Variants in STK3 observed in about 807,000 individuals in gnomAD.
STK3 encodes the protein serine/threonine-protein kinase 3.
A neutral mutation model predicts 58.0 loss-of-function variants in STK3; 41 were observed. The observed-to-expected ratio is 0.71, with a 90% confidence interval of 0.55 to 0.92. The LOEUF (loss-of-function observed/expected upper bound fraction) is 0.92, where lower values mean the gene tolerates loss of function less well. Among genes scored for constraint, STK3 ranks in the 40% least tolerant of loss-of-function variants. STK3 has a pLI of 0.00. For missense variants in STK3, 479 were observed against 602.7 expected (o/e 0.79, Z 2.15); for synonymous variants, 170 against 191.0 (o/e 0.89, Z 0.91).
chr8:98,680,832 A>C (rs1336338988), intron 6 of STK3, among the ~76,000 whole-genome samples: 2 of 152,222 alleles, frequency 1.3e-5, no homozygotes, highest in Admixed American at 1.3e-4. Context: ...TCCAAATAAA[A>C]AATTATAAAT....
intron 4 of STK3, among the ~76,000 whole-genome samples, chr8:98,716,327 C>T (rs1016309500): frequency 1.3e-5 from 2 of 151,660 alleles, no homozygotes; most frequent in Non-Finnish European, 2.9e-5. Context: ...TAGCAGTATA[C>T]AAAATCAACC....
At chr8:98,753,050 G>T (rs1436981750) in intron 3 of STK3, among the ~76,000 whole-genome samples, 2 of 152,086 alleles carry the variant, frequency 1.3e-5, no homozygotes, top group Non-Finnish European at 2.9e-5. Flanking sequence ...AGATAGTGTG[G>T]CAATTCCTCA....
chr8:98,653,201 T>G (rs1248267918), intron 6 of STK3, among the ~76,000 whole-genome samples: 4 of 152,046 alleles, frequency 2.6e-5, no homozygotes, highest in East Asian at 3.8e-4. Flanking sequence ...CTCAACTACA[T>G]GGAAACTGAA....
chr8:98,731,827 G>A (rs1264467256), intron 4 of STK3, among the ~76,000 whole-genome samples: 2 of 152,134 alleles, frequency 1.3e-5, no homozygotes, highest in Admixed American at 1.3e-4. Flanking sequence ...TCAGTCAAAA[G>A]GCATTGTCCC....
In STK3 at chr8:98,428,259, G is replaced by C; in HGVS notation, n.483+5868C>G. ...TCACACCGGCAAGCTTCACGTCATG[G>C]CTGAGCTATGTGTCTTCTCCTTCAG... is the stretch of plus-strand genomic sequence containing the variant. On this transcript the variant is annotated intron_variant and non_coding_transcript_variant, in intron 3 of 3. Transcript: ENST00000517832. The surrounding 1 kb of genome is among the most constrained non-coding windows in gnomAD (Gnocchi z 6.7). 3 of 1,614,096 alleles carry C rather than the reference G, an allele frequency of 1.9e-6. No individual in the cohort carries two copies. Among genetic ancestry groups the C allele is most frequent in the Non-Finnish European group, 2.5e-6 (3 of 1,180,020 alleles).
intron 1 of STK3, among the ~76,000 whole-genome samples, chr8:98,913,592 C>T (rs1304299870): frequency 2.0e-5 from 3 of 152,252 alleles, no homozygotes. Context: ...CACCTGAATG[C>T]CGCCAAGGAG....
chr8:98,562,065 T>C (rs1484576902), intron 8 of STK3, among the ~76,000 whole-genome samples: 2 of 152,098 alleles, frequency 1.3e-5, no homozygotes, highest in African/African-American at 4.8e-5. Flanking sequence ...CCTTGGTTAG[T>C]AGGAATATAA....
intron 8 of STK3, among the ~76,000 whole-genome samples, chr8:98,573,008 C>A (rs1344415444): frequency 6.6e-6 from 1 of 151,834 alleles, no homozygotes; most frequent in Non-Finnish European, 1.5e-5. Context: ...TGGACAGGAC[C>A]AAGTAACATA....
At chr8:98,473,677 G>A (rs1418296448) in intron 10 of STK3, among the ~76,000 whole-genome samples, 5 of 152,036 alleles carry the variant, frequency 3.3e-5, no homozygotes, top group African/African-American at 1.2e-4. Context: ...GGCCCCTCCA[G>A]CTGTACTTGA....
At chr8:98,845,750 T>C (rs189589265) in intron 3 of STK3, among the ~76,000 whole-genome samples, 36 of 152,358 alleles carry the variant, frequency 2.4e-4, no homozygotes, top group Admixed American at 5.9e-4. Flanking sequence ...AAAGAATTCA[T>C]TGAAGCCAGT....
downstream of STK3, chr8:98,882,798 TAAGG>T (rs1837846551): frequency 6.6e-6 from 1 of 152,300 alleles, no homozygotes; most frequent in African/African-American, 2.4e-5. Flanking sequence ...CCACTCAGAT[TAAGG>T]AAGAAAGATG....
intron 1 of STK3, among the ~76,000 whole-genome samples, chr8:98,818,901 A>T (rs1345116883): frequency 6.6e-6 from 1 of 152,066 alleles, no homozygotes; most frequent in African/African-American, 2.4e-5. Flanking sequence ...GCTCACTGCA[A>T]GCTCCGCCTC....
intron 1 of STK3, among the ~76,000 whole-genome samples, chr8:98,382,810 C>A (rs986918053): frequency 6.6e-6 from 1 of 152,208 alleles, no homozygotes; most frequent in Non-Finnish European, 1.5e-5. Flanking sequence ...CCAACTGATA[C>A]GGCCGGTTCC....
chr8:98,385,689 C>T (rs568273358), intron 1 of STK3, among the ~76,000 whole-genome samples: 13 of 152,128 alleles, frequency 8.5e-5, no homozygotes, highest in African/African-American at 2.9e-4. Context: ...CTTCAGTGGG[C>T]GGGGGGAGAT....
At chr8:98,617,022 C>T (rs1226585554) in intron 6 of STK3, among the ~76,000 whole-genome samples, 2 of 151,928 alleles carry the variant, frequency 1.3e-5, no homozygotes, top group African/African-American at 4.8e-5. Context: ...TTTTTCAGCA[C>T]CACACCACAC....
chr8:98,473,320 T>C (rs1461789039), intron 10 of STK3, among the ~76,000 whole-genome samples: 1 of 152,192 alleles, frequency 6.6e-6, no homozygotes, highest in South Asian at 2.1e-4. Context: ...CAGAAACCTA[T>C]CTACACAGTT....
chr8:98,585,499 C>T (rs1814456937), intron 7 of STK3, among the ~76,000 whole-genome samples: 1 of 150,598 alleles, frequency 6.6e-6, no homozygotes, highest in Non-Finnish European at 1.5e-5. Context: ...GTTACTGTAG[C>T]CTTGTAGTAT....
intron 1 of STK3, among the ~76,000 whole-genome samples, chr8:98,791,053 T>C (rs1564004516): frequency 1.3e-5 from 2 of 151,470 alleles, no homozygotes; most frequent in Non-Finnish European, 2.9e-5. Context: ...GATGATATGA[T>C]TGTTTACCTA....
At chr8:98,778,913 G>C (rs1831902970) in intron 1 of STK3, 1 of 152,062 alleles carries the variant, frequency 6.6e-6, no homozygotes, top group African/African-American at 2.4e-5. Flanking sequence ...ATAGCATTAG[G>C]AGATATACCT....
Sources: gnomAD v4.1 joint callset for allele counts (sites outside exome capture counted in the v4.1 genomes callset) on GRCh38, gnomAD v4.1.1 for gene constraint, Gnocchi (gnomAD v3.1) non-coding constraint, MANE v1.5 for transcripts, NCBI Gene and HGNC (gene_info 2026-07-23, HGNC 2026-07-21) for gene names.